ROBO1: variants seen among roughly 807,000 people sequenced by gnomAD.
ROBO1 encodes the protein roundabout homolog 1.
Under a neutral mutation model 195.9 loss-of-function variants are expected in ROBO1, and 149 were observed. That is an observed-to-expected ratio of 0.76 (90% CI 0.67 to 0.87). The LOEUF (loss-of-function observed/expected upper bound fraction) is 0.87, where lower values mean the gene tolerates loss of function less well. ROBO1 is among the 40% of genes least tolerant of loss of function. The pLI is 0.00. For synonymous variants in ROBO1, 816 were observed against 733.2 expected (o/e 1.11, Z -1.82); for missense variants, 1,933 against 2,068.3 (o/e 0.93, Z 1.27).
intron 3 of ROBO1, among the ~76,000 whole-genome samples, chr3:79,019,888 T>C (rs112793986): frequency 1.3e-3 from 203 of 152,248 alleles, no homozygotes; most frequent in African/African-American, 4.4e-3. Flanking sequence ...TTGAGCAACA[T>C]GGCTTTAGGA....
At chr3:78,609,392 C>T (rs556755127) in intron 28 of ROBO1, among the ~76,000 whole-genome samples, 1 of 152,148 alleles carries the variant, frequency 6.6e-6, no homozygotes, top group South Asian at 2.1e-4. Flanking sequence ...CAGGGAGCAC[C>T]GTTCACATCA....
chr3:79,071,577 C>T (rs1020226433), intron 3 of ROBO1, among the ~76,000 whole-genome samples: 1 of 151,502 alleles, frequency 6.6e-6, no homozygotes, highest in African/African-American at 2.4e-5. Flanking sequence ...CGTGGGTGTC[C>T]TGTATGTCTT....
At chr3:79,424,771 C>T (rs577196750) in intron 2 of ROBO1, among the ~76,000 whole-genome samples, 1 of 152,160 alleles carries the variant, frequency 6.6e-6, no homozygotes, top group Admixed American at 6.6e-5. Flanking sequence ...GGATCCCATT[C>T]CATAGGTTGC....
rs76824392 is a variant in ROBO1 at position 78,918,844 on chromosome 3, A to G, written c.499+19757T>C. On this transcript the variant is annotated intron_variant, in intron 4 of 30. Coordinates refer to ENST00000464233, the MANE Select transcript of ROBO1 (RefSeq NM_002941.4). ...CATAGCCCACAACCATAAAGTGAGT[A>G]CTTTATGAAAAAAGGATATGAAAAA... Among the ~76,000 whole-genome samples, 544 of 152,278 alleles carry G rather than the reference A, an allele frequency of 3.6e-3. 4 individuals carry two copies. The highest frequency in any genetic ancestry group is 0.012 in the African/African-American group (512 of 41,544).
chr3:79,235,227 G>C (rs944953602), intron 2 of ROBO1, among the ~76,000 whole-genome samples: 2 of 152,074 alleles, frequency 1.3e-5, no homozygotes, highest in African/African-American at 4.8e-5. Flanking sequence ...ATTATACACA[G>C]TAGTCTAAAC....
chr3:79,082,736 T>G (rs967060011), intron 3 of ROBO1, among the ~76,000 whole-genome samples: 1 of 152,088 alleles, frequency 6.6e-6, no homozygotes, highest in African/African-American at 2.4e-5. Context: ...CCCCAACACC[T>G]TCTCACTCCC....
intron 2 of ROBO1, among the ~76,000 whole-genome samples, chr3:79,531,852 AG>A (rs5850433): frequency 0.57 from 86,807 of 151,886 alleles, 24,927 homozygotes; most frequent in Non-Finnish European, 0.6. Flanking sequence ...TCCGAATCAT[AG>A]TATGAATTTA....
intron 2 of ROBO1, among the ~76,000 whole-genome samples, chr3:79,284,409 C>A (rs73122549): frequency 0.1 from 15,281 of 152,080 alleles, 825 homozygotes; most frequent in Middle Eastern, 0.14. Context: ...GTGCAGCAAA[C>A]CACCATGGCA....
intron 1 of ROBO1, among the ~76,000 whole-genome samples, chr3:79,670,779 TA>T (rs1946610085): frequency 6.6e-6 from 1 of 151,748 alleles, no homozygotes; most frequent in African/African-American, 2.4e-5. Flanking sequence ...CAAATAAGTG[TA>T]AAGAAGAGAT....
chr3:79,684,547 A>G (rs992134569), intron 1 of ROBO1, among the ~76,000 whole-genome samples: 1 of 151,988 alleles, frequency 6.6e-6, no homozygotes, highest in Non-Finnish European at 1.5e-5. Context: ...CAATGTCTGA[A>G]CTTCCTCAGG....
chr3:79,682,194 A>C (rs572387784), intron 1 of ROBO1, among the ~76,000 whole-genome samples: 2 of 152,014 alleles, frequency 1.3e-5, no homozygotes, highest in Non-Finnish European at 2.9e-5. Context: ...TCAGAAAGTT[A>C]TTTCCTATGG....
intron 1 of ROBO1, among the ~76,000 whole-genome samples, chr3:79,659,573 G>A (rs1199649613): frequency 2.0e-5 from 3 of 150,944 alleles, no homozygotes; most frequent in East Asian, 2.0e-4. Context: ...GAGCATTACC[G>A]AACAGTTACG....
chr3:79,065,720 G>A (rs1442678185), intron 3 of ROBO1, among the ~76,000 whole-genome samples: 1 of 151,780 alleles, frequency 6.6e-6, no homozygotes, highest in Non-Finnish European at 1.5e-5. Flanking sequence ...CCATTTAAAA[G>A]GTCTAGTTAG....
At chr3:78,836,512 C>A (rs1089926) in intron 4 of ROBO1, among the ~76,000 whole-genome samples, 635 of 122,226 alleles carry the variant, frequency 5.2e-3, no homozygotes, top group South Asian at 6.7e-3. Context: ...ACTCTGTCTC[C>A]AAAAAAAAAA....
intron 2 of ROBO1, among the ~76,000 whole-genome samples, chr3:79,485,345 T>C (rs1939102251): frequency 2.6e-5 from 4 of 152,174 alleles, no homozygotes; most frequent in Admixed American, 2.6e-4. Context: ...TCAGTCTAAG[T>C]TGGTGATATT....
At chr3:79,081,047 T>C (rs1416775240) in intron 3 of ROBO1, among the ~76,000 whole-genome samples, 1 of 151,884 alleles carries the variant, frequency 6.6e-6, no homozygotes, top group Non-Finnish European at 1.5e-5. Context: ...TAGAAGAAAA[T>C]TTCCATAGAA....
rs1474271103 is a variant in ROBO1 at position 78,848,487 on chromosome 3, A to G, written c.499+90114T>C. On this transcript the variant is annotated intron_variant, in intron 4 of 30. Coordinates refer to ENST00000464233, the MANE Select transcript of ROBO1 (RefSeq NM_002941.4). ...CAGTAAAGGGGTAAGAAAGTATACAATGAGGTGCAGGTTGCTGTTATATAG... is the reference window on the plus strand; with the variant it reads ...CAGTAAAGGGGTAAGAAAGTATACAGTGAGGTGCAGGTTGCTGTTATATAG... Among the ~76,000 whole-genome samples the G allele has an allele frequency of 2.6e-5, 4 of 152,148 alleles. No individual in the cohort carries two copies. The East Asian group carries it at 5.8e-4, about 22-fold the overall frequency.
intron 2 of ROBO1, among the ~76,000 whole-genome samples, chr3:79,264,212 C>T (rs1042166858): frequency 2.6e-5 from 4 of 152,014 alleles, no homozygotes; most frequent in South Asian, 2.1e-4. Context: ...CTACATTAAT[C>T]GGAGACAGTT....
intron 3 of ROBO1, among the ~76,000 whole-genome samples, chr3:79,106,431 T>C (rs1212487350): frequency 1.3e-5 from 2 of 151,564 alleles, no homozygotes; most frequent in Admixed American, 1.3e-4. Flanking sequence ...TAACATTGCC[T>C]GAAAAAACAA....
Sources: allele counts gnomAD v4.1 joint callset (sites outside exome capture counted in the v4.1 genomes callset), GRCh38; gene constraint gnomAD v4.1.1; transcripts MANE v1.5; gene names NCBI Gene and HGNC (gene_info 2026-07-23, HGNC 2026-07-21).